Variants in EXOC2 observed in about 807,000 individuals in gnomAD.
EXOC2 encodes exocyst complex component 2.
Under a neutral mutation model 131.8 loss-of-function variants are expected in EXOC2, and 70 were observed. That is an observed-to-expected ratio of 0.53 (90% CI 0.44 to 0.65). EXOC2 has a LOEUF of 0.65. Ranked by LOEUF, EXOC2 falls within the 30% of genes least tolerant of loss-of-function variation. The probability of loss-of-function intolerance (pLI) is 0.00; values close to 1 mark genes in which losing one functional copy is unlikely to be tolerated. For missense variants in EXOC2, 923 were observed against 1,108.6 expected (o/e 0.83, Z 2.38); for synonymous variants, 411 against 398.4 (o/e 1.03, Z -0.38).
At chr6:648,716 C>CTTTT (rs60202015) in intron 1 of EXOC2, among the ~76,000 whole-genome samples, 2 of 88,558 alleles carry the variant, frequency 2.3e-5, no homozygotes, top group Admixed American at 1.3e-4. Context: ...TTTAAAAACT[C>CTTTT]TTTTTTTTTT....
At chr6:515,828 G>T (rs889322889) in intron 23 of EXOC2, among the ~76,000 whole-genome samples, 2 of 152,140 alleles carry the variant, frequency 1.3e-5, no homozygotes, top group Admixed American at 1.3e-4. Flanking sequence ...ACAGCTGGTG[G>T]GTATCTGCAG....
chr6:501,055 T>C (rs541493722), intron 23 of EXOC2, among the ~76,000 whole-genome samples: 1 of 134,396 alleles, frequency 7.4e-6, no homozygotes, highest in Admixed American at 9.0e-5. Context: ...GATATACATA[T>C]CTATATATAT....
At chr6:684,879 G>C (rs188901934) in intron 1 of EXOC2, among the ~76,000 whole-genome samples, 143 of 152,294 alleles carry the variant, frequency 9.4e-4, no homozygotes, top group African/African-American at 2.7e-3. Flanking sequence ...GTAATGAAGA[G>C]TTTCGCTGAT....
intron 13 of EXOC2, 104 bp downstream of exon 13, chr6:572,416 G>A: frequency 7.3e-7 from 1 of 1,371,184 alleles, no homozygotes; most frequent in Non-Finnish European, 9.9e-7. Flanking sequence ...GATGGCTAGA[G>A]ATGTTGGGCC....
At chr6:651,699 A>G (rs1258532249) in intron 1 of EXOC2, among the ~76,000 whole-genome samples, 2 of 151,616 alleles carry the variant, frequency 1.3e-5, no homozygotes, top group African/African-American at 4.8e-5. Flanking sequence ...AATAAAAAAT[A>G]AAGTCTACAG....
intron 7 of EXOC2, among the ~76,000 whole-genome samples, chr6:603,120 T>G (rs1327817829): frequency 1.3e-5 from 2 of 152,164 alleles, no homozygotes; most frequent in African/African-American, 2.4e-5. Flanking sequence ...TCTAATCTGC[T>G]CTCCACTTGC....
At chr6:563,181 A>G (rs1025836139) in intron 16 of EXOC2, among the ~76,000 whole-genome samples, 5 of 152,238 alleles carry the variant, frequency 3.3e-5, no homozygotes, top group Admixed American at 2.6e-4. Flanking sequence ...TAAGTCATAC[A>G]GTATTTTTTT....
chr6:560,786 C>T (rs966012431), intron 17 of EXOC2, among the ~76,000 whole-genome samples: 3 of 151,802 alleles, frequency 2.0e-5, no homozygotes, highest in Admixed American at 6.6e-5. Context: ...CGGCTCACTG[C>T]AACCTCTGCC....
intron 18 of EXOC2, 78 bp from the exon 19 acceptor site, chr6:556,091 G>C: frequency 3.8e-6 from 5 of 1,332,810 alleles, no homozygotes; most frequent in South Asian, 1.2e-5. Context: ...GATATGAACA[G>C]TTAAAACGTG....
intron 18 of EXOC2, among the ~76,000 whole-genome samples, 192 bp downstream of exon 18, chr6:556,292 C>T (rs1757416424): frequency 6.6e-6 from 1 of 152,188 alleles, no homozygotes; most frequent in East Asian, 1.9e-4. Context: ...ACCTACAACA[C>T]CTGCACTCAC....
chr6:505,318 C>T (rs968313340), intron 23 of EXOC2, among the ~76,000 whole-genome samples: 4 of 152,106 alleles, frequency 2.6e-5, no homozygotes, highest in African/African-American at 4.8e-5. Context: ...TGTCAAATGC[C>T]GGTGATGGCT....
At chr6:650,353 G>A (rs1272976589) in intron 1 of EXOC2, among the ~76,000 whole-genome samples, 1 of 152,292 alleles carries the variant, frequency 6.6e-6, no homozygotes, top group South Asian at 2.1e-4. Flanking sequence ...CTGAGCTCTT[G>A]TTCCTAGGAG....
At chr6:626,033 AC>A (rs1761548347) in intron 4 of EXOC2, among the ~76,000 whole-genome samples, 1 of 151,968 alleles carries the variant, frequency 6.6e-6, no homozygotes, top group African/African-American at 2.4e-5. Flanking sequence ...ACCTGTTTTT[AC>A]CTTCCTTTTT....
At chr6:585,394 T>C (rs1239343880) in intron 11 of EXOC2, among the ~76,000 whole-genome samples, 1 of 152,190 alleles carries the variant, frequency 6.6e-6, no homozygotes, top group Non-Finnish European at 1.5e-5. Flanking sequence ...TGGCCTCGTG[T>C]TATACTCCGA....
chr6:581,671 A>G (rs1432315316), intron 11 of EXOC2, among the ~76,000 whole-genome samples: 2 of 152,176 alleles, frequency 1.3e-5, no homozygotes, highest in African/African-American at 2.4e-5. Context: ...TTGAGTTATT[A>G]TTTTGTCAAT....
intron 24 of EXOC2, among the ~76,000 whole-genome samples, chr6:498,268 A>G (rs969344346): frequency 6.6e-6 from 1 of 152,218 alleles, no homozygotes; most frequent in African/African-American, 2.4e-5. Flanking sequence ...TTCAGTCATT[A>G]TAAGCCCATG....
chr6:650,336 G>C (rs2127736760), intron 1 of EXOC2, among the ~76,000 whole-genome samples: 1 of 152,252 alleles, frequency 6.6e-6, no homozygotes, highest in South Asian at 2.1e-4. Context: ...TCAGCTCTAA[G>C]GCATCTCTGA....
At chr6:674,216 T>C (rs1306506379) in intron 1 of EXOC2, among the ~76,000 whole-genome samples, 1 of 152,232 alleles carries the variant, frequency 6.6e-6, no homozygotes, top group Admixed American at 6.5e-5. Context: ...ATGAGTTTTT[T>C]ATTGCCATGA....
chr6:597,999 A>G, intron 10 of EXOC2, 22 bp downstream of exon 10: 2 of 1,576,780 alleles, frequency 1.3e-6, no homozygotes, highest in Non-Finnish European at 1.7e-6. Flanking sequence ...GTGATTCAAC[A>G]AAATGTTTGC....
Sources: gnomAD v4.1 joint callset for allele counts (sites outside exome capture counted in the v4.1 genomes callset) on GRCh38, gnomAD v4.1.1 for gene constraint, MANE v1.5 for transcripts, NCBI Gene and HGNC (gene_info 2026-07-23, HGNC 2026-07-21) for gene names.